The following CTNNBL1 variants were observed in gnomAD, a reference collection of about 807,000 sequenced individuals.
CTNNBL1 encodes beta-catenin-like protein 1.
In CTNNBL1, 31 loss-of-function variants were observed where a neutral mutation model predicts 72.7. The observed-to-expected ratio is 0.43, with a 90% CI of 0.32 to 0.58. The LOEUF (loss-of-function observed/expected upper bound fraction) is 0.58, where lower values mean the gene tolerates loss of function less well. CTNNBL1 is among the 20% of genes least tolerant of loss of function. The probability of loss-of-function intolerance (pLI) is 0.08; values close to 1 mark genes in which losing one functional copy is unlikely to be tolerated. For synonymous variants in CTNNBL1, 240 were observed against 267.3 expected, an observed-to-expected ratio of 0.90 and a Z score of 1.00; for missense variants, 534 against 725.1, an observed-to-expected ratio of 0.74 and a Z score of 3.03.
intron 3 of CTNNBL1, among the ~76,000 whole-genome samples, chr20:37,742,238 A>T (rs1383033469): frequency 6.6e-6 from 1 of 152,236 alleles, no homozygotes. Context: ...AGGGTCATTG[A>T]ATCAGCATAA....
At chr20:37,821,053 G>GC (rs1192527001) in intron 11 of CTNNBL1, among the ~76,000 whole-genome samples, 1 of 152,194 alleles carries the variant, frequency 6.6e-6, no homozygotes, top group African/African-American at 2.4e-5. Context: ...AACTAGGGAA[G>GC]CCCCTCCTGG....
chr20:37,828,310 C>T (rs2122785210), intron 11 of CTNNBL1, among the ~76,000 whole-genome samples: 1 of 152,342 alleles, frequency 6.6e-6, no homozygotes, highest in South Asian at 2.1e-4. Flanking sequence ...CACATCCTTA[C>T]AAGCATTAGG....
At chr20:37,848,072 G>C (rs1410182698) in intron 13 of CTNNBL1, among the ~76,000 whole-genome samples, 1 of 151,636 alleles carries the variant, frequency 6.6e-6, no homozygotes, top group African/African-American at 2.4e-5. Context: ...CTGCTAACTT[G>C]CTGGAAGATT....
At chr20:37,828,640 A>G (rs982499099) in intron 11 of CTNNBL1, among the ~76,000 whole-genome samples, 2 of 152,224 alleles carry the variant, frequency 1.3e-5, no homozygotes, top group Non-Finnish European at 2.9e-5. Flanking sequence ...TAGGTTTGCA[A>G]TCGATGTGGC....
rs1462150392 is a variant in CTNNBL1 at position 37,737,370 on chromosome 20, TG to T, written c.220-7del. On this transcript the variant is annotated splice_polypyrimidine_tract_variant and splice_region_variant and intron_variant, in intron 2 of 15. Transcript: ENST00000361383. ...ACTGAAGTTTTTGCATTTGTCTCTTTGTACCAGGAGGAGCCATTGGATGAAA... is the reference window on the plus strand; with the variant it reads ...ACTGAAGTTTTTGCATTTGTCTCTTTTACCAGGAGGAGCCATTGGATGAAA... 6.2e-7 allele frequency: 1 copy of T among 1,605,674 alleles called. No individual in the cohort carries two copies. The highest frequency in any genetic ancestry group is 8.5e-7 in the Non-Finnish European group (1 of 1,173,480).
In CTNNBL1 at chr20:37,733,035, A is replaced by G; in HGVS notation, c.187A>G (p.Ile63Val). The change falls in exon 2 of 16, where the codon ATT becomes GTT. Residue 63 changes from isoleucine (I) to valine (V), a missense_variant. Ile to Val is a conservative substitution (Grantham distance 29). Coordinates refer to ENST00000361383, the MANE Select transcript of CTNNBL1 (RefSeq NM_030877.5). ...DDDKKRLLQI[I>V]DRDGEEEEEE... ...TGACAAAAAAAGGCTGCTGCAGATTATTGACAGAGATGGGGAAGAGGAAGA... is the reference window on the plus strand; with the variant it reads ...TGACAAAAAAAGGCTGCTGCAGATTGTTGACAGAGATGGGGAAGAGGAAGA... The G allele has an allele frequency of 6.2e-7, 1 of 1,613,680 alleles. No individual in the cohort carries two copies. Among genetic ancestry groups the G allele is most frequent in the Non-Finnish European group, 8.5e-7 (1 of 1,179,972 alleles).
intron 11 of CTNNBL1, among the ~76,000 whole-genome samples, chr20:37,820,750 C>T (rs1206061609): frequency 1.3e-5 from 2 of 152,154 alleles, no homozygotes; most frequent in African/African-American, 2.4e-5. Flanking sequence ...TTCCTGAGGC[C>T]TCCCCAGCCA....
intron 11 of CTNNBL1, among the ~76,000 whole-genome samples, chr20:37,809,120 G>C (rs2071986580): frequency 6.6e-6 from 1 of 152,090 alleles, no homozygotes; most frequent in African/African-American, 2.4e-5. Flanking sequence ...CACCAAGGTA[G>C]GAGAGACTCC....
chr20:37,771,343 A>G (rs984973250), intron 7 of CTNNBL1, among the ~76,000 whole-genome samples: 1 of 152,186 alleles, frequency 6.6e-6, no homozygotes, highest in East Asian at 1.9e-4. Context: ...AACTCTCACT[A>G]AGATCCACTT....
chr20:37,819,475 G>T (rs1600507898), intron 11 of CTNNBL1, among the ~76,000 whole-genome samples: 1 of 152,054 alleles, frequency 6.6e-6, no homozygotes, highest in South Asian at 2.1e-4. Context: ...TGTCATACCT[G>T]TACCACTGTC....
At chr20:37,852,522 G>A (rs2072405349) in intron 13 of CTNNBL1, among the ~76,000 whole-genome samples, 1 of 152,128 alleles carries the variant, frequency 6.6e-6, no homozygotes, top group Admixed American at 6.6e-5. Flanking sequence ...CCTCTCTCTG[G>A]GAACGCCATC....
At chr20:37,736,408 C>T (rs1199703176) in intron 2 of CTNNBL1, among the ~76,000 whole-genome samples, 1 of 152,150 alleles carries the variant, frequency 6.6e-6, no homozygotes, top group South Asian at 2.1e-4. Context: ...TTCTTTTAAA[C>T]CTGTCAGTCT....
chr20:37,776,178 AT>A, intron 7 of CTNNBL1, among the ~76,000 whole-genome samples: 1 of 152,302 alleles, frequency 6.6e-6, no homozygotes, highest in Middle Eastern at 3.4e-3. Flanking sequence ...CATACCTTAC[AT>A]TTAGCACATG....
At position 37,707,131 on chromosome 20, in the gene CTNNBL1, T is replaced by C. The variant is rs1282741945; in HGVS notation, c.30+12979T>C. 2.0e-5 allele frequency among the ~76,000 whole-genome samples: 3 copies of C among 152,302 alleles called. No individual in the cohort carries two copies. In the East Asian group the frequency reaches 5.8e-4, roughly 29 times the overall value. On this transcript the variant is annotated intron_variant, in intron 1 of 15. Transcript: ENST00000361383. ...ATTTCTAGAACACAGGCAGGGTAGA[T>C]TTAGCATAATTCCCAAGGGCCCTAG...
chr20:37,854,520 C>T (rs1442104775), intron 13 of CTNNBL1, among the ~76,000 whole-genome samples: 1 of 150,982 alleles, frequency 6.6e-6, no homozygotes, highest in East Asian at 1.9e-4. Flanking sequence ...GCTTCCTCAT[C>T]TAAAATGGGG....
intron 11 of CTNNBL1, among the ~76,000 whole-genome samples, chr20:37,805,396 G>GT (rs1163447104): frequency 6.1e-5 from 8 of 132,116 alleles, no homozygotes; most frequent in Admixed American, 8.2e-5. Context: ...TTTGTTTTTT[G>GT]TTTTTTTTTT....
chr20:37,717,369 G>T (rs2072995368), intron 1 of CTNNBL1, among the ~76,000 whole-genome samples: 1 of 152,246 alleles, frequency 6.6e-6, no homozygotes, highest in Non-Finnish European at 1.5e-5. Flanking sequence ...TTCGCTGGTT[G>T]CAGAATGCAT....
At chr20:37,841,093 T>C (rs551367308) in intron 12 of CTNNBL1, among the ~76,000 whole-genome samples, 10 of 152,382 alleles carry the variant, frequency 6.6e-5, no homozygotes, top group African/African-American at 2.4e-4. Flanking sequence ...AGAAGATGAC[T>C]TTCATCGTTG....
intron 1 of CTNNBL1, among the ~76,000 whole-genome samples, chr20:37,711,249 C>G (rs931920300): frequency 1.4e-4 from 21 of 152,050 alleles, no homozygotes; most frequent in African/African-American, 4.8e-4. Context: ...CCATAGTTTC[C>G]TAGTCATTCA....
Sources: gnomAD v4.1 joint callset for allele counts (sites outside exome capture counted in the v4.1 genomes callset) on GRCh38, gnomAD v4.1.1 for gene constraint, MANE v1.5 for transcripts, NCBI Gene and HGNC (gene_info 2026-07-23, HGNC 2026-07-21) for gene names.